The following NAALADL2 variants were observed in gnomAD, a reference collection of about 807,000 sequenced individuals.
NAALADL2 encodes the protein inactive N-acetylated-alpha-linked acidic dipeptidase-like protein 2.
A neutral mutation model predicts 87.2 loss-of-function variants in NAALADL2; 76 were observed. The ratio of observed to expected loss-of-function variants is 0.87; its 90% CI spans 0.72 to 1.05. The LOEUF (loss-of-function observed/expected upper bound fraction) is 1.05. Ranked by LOEUF, NAALADL2 falls within the 50% of genes least tolerant of loss-of-function variation. The probability of loss-of-function intolerance (pLI) is 0.00; values close to 1 mark genes in which losing one functional copy is unlikely to be tolerated. For synonymous variants in NAALADL2, 354 were observed against 331.0 expected, an observed-to-expected ratio of 1.07 and a Z score of -0.75; for missense variants, 1,089 against 945.8, an observed-to-expected ratio of 1.15 and a Z score of -1.99.
At chr3:175,020,274 C>T (rs1431568424) in intron 1 of NAALADL2, among the ~76,000 whole-genome samples, 2 of 151,980 alleles carry the variant, frequency 1.3e-5, no homozygotes, top group Non-Finnish European at 2.9e-5. Context: ...CACCAGTCAG[C>T]AAAGGGCACT....
At chr3:175,428,069 A>G (rs1261535451) in intron 5 of NAALADL2, among the ~76,000 whole-genome samples, 1 of 152,126 alleles carries the variant, frequency 6.6e-6, no homozygotes, top group African/African-American at 2.4e-5. Context: ...TCACTGTTTC[A>G]TCTTTACAGC....
chr3:175,387,031 G>A (rs1479442491), intron 5 of NAALADL2, among the ~76,000 whole-genome samples: 1 of 152,114 alleles, frequency 6.6e-6, no homozygotes, highest in East Asian at 1.9e-4. Context: ...ATCTATGGAA[G>A]CAATGAGTGT....
chr3:174,505,845 T>G (rs963344096), intron 1 of NAALADL2, among the ~76,000 whole-genome samples: 5 of 152,208 alleles, frequency 3.3e-5, no homozygotes, highest in Non-Finnish European at 7.4e-5. Context: ...ACAAATGGTC[T>G]GTAAAAATCT....
At chr3:175,292,857 GA>G (rs1195193640) in intron 4 of NAALADL2, among the ~76,000 whole-genome samples, 1 of 151,790 alleles carries the variant, frequency 6.6e-6, no homozygotes, top group African/African-American at 2.4e-5. Context: ...CTAACACGGT[GA>G]AACCCCGTCT....
chr3:174,499,590 T>C (rs888727444), intron 1 of NAALADL2, among the ~76,000 whole-genome samples: 1 of 152,150 alleles, frequency 6.6e-6, no homozygotes, highest in African/African-American at 2.4e-5. Flanking sequence ...ATTTTGAATA[T>C]TTTTTATGTA....
intron 5 of NAALADL2, among the ~76,000 whole-genome samples, chr3:175,358,075 A>G (rs900162603): frequency 2.0e-5 from 3 of 152,216 alleles, no homozygotes; most frequent in African/African-American, 7.2e-5. Context: ...GATGAAAACC[A>G]TAAAATCGCA....
chr3:175,567,905 A>G (rs990211308), intron 9 of NAALADL2, among the ~76,000 whole-genome samples: 1 of 151,824 alleles, frequency 6.6e-6, no homozygotes. Flanking sequence ...TGGTAGAGAC[A>G]CAGTTTCGCC....
chr3:174,966,130 T>C (rs1742828836), intron 1 of NAALADL2, among the ~76,000 whole-genome samples: 1 of 152,142 alleles, frequency 6.6e-6, no homozygotes, highest in Non-Finnish European at 1.5e-5. Flanking sequence ...ACCCCACTGG[T>C]CTTCCTTTCC....
At chr3:174,818,134 C>T (rs899484156) in intron 3 of NAALADL2, among the ~76,000 whole-genome samples, 1 of 152,100 alleles carries the variant, frequency 6.6e-6, no homozygotes, top group Admixed American at 6.6e-5. Flanking sequence ...TGCATCTTTA[C>T]CCCGTTGTGT....
intron 3 of NAALADL2, among the ~76,000 whole-genome samples, chr3:174,829,669 T>C (rs1722427467): frequency 7.0e-6 from 1 of 142,678 alleles, no homozygotes; most frequent in African/African-American, 2.8e-5. Flanking sequence ...TTTCCAGTTC[T>C]AGATCCCTGA....
intron 1 of NAALADL2, among the ~76,000 whole-genome samples, chr3:174,938,109 T>C (rs958891375): frequency 1.3e-5 from 2 of 152,030 alleles, no homozygotes; most frequent in Non-Finnish European, 2.9e-5. Flanking sequence ...GTTGTACTGA[T>C]TATTTCATCA....
chr3:175,073,342 A>C (rs1715998432), intron 1 of NAALADL2, among the ~76,000 whole-genome samples: 1 of 152,050 alleles, frequency 6.6e-6, no homozygotes, highest in African/African-American at 2.4e-5. Flanking sequence ...AAGTGATTGC[A>C]AAAGTGGTGA....
intron 2 of NAALADL2, among the ~76,000 whole-genome samples, chr3:174,716,232 A>G (rs1246774429): frequency 1.3e-5 from 2 of 152,270 alleles, no homozygotes; most frequent in Non-Finnish European, 2.9e-5. Flanking sequence ...ATTGACAGGT[A>G]AGTCAGAAAG....
chr3:174,715,806 TG>T (rs990068058), intron 2 of NAALADL2, among the ~76,000 whole-genome samples: 7 of 152,066 alleles, frequency 4.6e-5, no homozygotes, highest in Admixed American at 3.9e-4. Flanking sequence ...AGGGGTGGTG[TG>T]GGGTGAGTGT....
At chr3:174,974,425 A>G (rs2108621423) in intron 1 of NAALADL2, among the ~76,000 whole-genome samples, 1 of 152,338 alleles carries the variant, frequency 6.6e-6, no homozygotes, top group Admixed American at 6.5e-5. Flanking sequence ...TTGCTGTGGA[A>G]CTTAGGTAAG....
chr3:175,670,410 TAAA>T (rs1733783249), intron 11 of NAALADL2, among the ~76,000 whole-genome samples: 1 of 146,364 alleles, frequency 6.8e-6, no homozygotes, highest in Non-Finnish European at 1.5e-5. Flanking sequence ...AAATTTACAT[TAAA>T]TGTAAATTTA....
intron 5 of NAALADL2, among the ~76,000 whole-genome samples, chr3:175,327,999 C>T (rs1431086729): frequency 6.6e-6 from 1 of 152,170 alleles, no homozygotes; most frequent in Non-Finnish European, 1.5e-5. Context: ...AATTATTACA[C>T]ACCTGCAGTT....
intron 3 of NAALADL2, among the ~76,000 whole-genome samples, chr3:175,252,579 A>G (rs76615488): frequency 0.04 from 6,143 of 152,212 alleles, 420 homozygotes; most frequent in African/African-American, 0.14. Context: ...ATGGCCTCTA[A>G]GTGAAAGGAA....
At chr3:175,460,446 T>C (rs1047456177) in intron 6 of NAALADL2, among the ~76,000 whole-genome samples, 2 of 152,192 alleles carry the variant, frequency 1.3e-5, no homozygotes, top group Non-Finnish European at 2.9e-5. Flanking sequence ...AGTCCTTCTG[T>C]CAGTTGGAAG....
Sources: allele counts gnomAD v4.1 joint callset (sites outside exome capture counted in the v4.1 genomes callset), GRCh38; gene constraint gnomAD v4.1.1; transcripts MANE v1.5; gene names NCBI Gene and HGNC (gene_info 2026-07-23, HGNC 2026-07-21).